Variants in PLCE1 observed in about 807,000 individuals in gnomAD.
PLCE1 encodes the protein phospholipase C epsilon 1.
PLCE1 carries 119 observed loss-of-function variants against 242.8 expected under a neutral mutation model. The ratio of observed to expected loss-of-function variants is 0.49; its 90% confidence interval spans 0.42 to 0.57. The LOEUF (loss-of-function observed/expected upper bound fraction) is 0.57, where lower values mean the gene tolerates loss of function less well. Ranked by LOEUF, PLCE1 falls within the 20% of genes least tolerant of loss-of-function variation. The pLI, the probability that PLCE1 is intolerant of heterozygous loss-of-function variation, is 0.00. For synonymous variants in PLCE1, 945 were observed against 1,017.4 expected (o/e 0.93, Z 1.35); for missense variants, 2,441 against 2,788.8 (o/e 0.88, Z 2.81).
chr10:94,066,378 T>G (rs2044196145), intron 2 of PLCE1, among the ~76,000 whole-genome samples: 1 of 152,226 alleles, frequency 6.6e-6, no homozygotes, highest in Admixed American at 6.5e-5. Context: ...TTGTGGCTGT[T>G]GGAATTGTAT....
At chr10:94,160,741 T>C (rs2047584590) in intron 3 of PLCE1, among the ~76,000 whole-genome samples, 1 of 152,244 alleles carries the variant, frequency 6.6e-6, no homozygotes. Context: ...TCTAGGGTTT[T>C]TATGGTTTTA....
chr10:94,215,677 G>T (rs1460757810), intron 4 of PLCE1, among the ~76,000 whole-genome samples: 1 of 152,176 alleles, frequency 6.6e-6, no homozygotes, highest in African/African-American at 2.4e-5. Flanking sequence ...GACATTTGGA[G>T]CCAGCAGCAG....
intron 1 of PLCE1, among the ~76,000 whole-genome samples, chr10:94,006,337 G>A (rs1421853068): frequency 6.6e-6 from 1 of 152,220 alleles, no homozygotes; most frequent in Non-Finnish European, 1.5e-5. Flanking sequence ...AAGACGTTCA[G>A]TGCAGATTAA....
chr10:94,052,190 A>G (rs1359090636), intron 2 of PLCE1, among the ~76,000 whole-genome samples: 1 of 152,230 alleles, frequency 6.6e-6, no homozygotes, highest in East Asian at 1.9e-4. Flanking sequence ...CCAAAAAGCA[A>G]TGTTTTCAAA....
chr10:94,308,334 C>A (rs535652457), intron 26 of PLCE1, among the ~76,000 whole-genome samples: 1 of 152,184 alleles, frequency 6.6e-6, no homozygotes, highest in Non-Finnish European at 1.5e-5. Flanking sequence ...CCTACTAGAT[C>A]AGGTTTTGTC....
intron 1 of PLCE1, among the ~76,000 whole-genome samples, chr10:94,010,617 T>G (rs1349343412): frequency 3.3e-5 from 5 of 152,216 alleles, no homozygotes; most frequent in African/African-American, 1.2e-4. Context: ...TCACACTTGA[T>G]TGTAGGCTGT....
At chr10:94,225,543 G>T (rs567164818) in intron 4 of PLCE1, among the ~76,000 whole-genome samples, 2 of 152,124 alleles carry the variant, frequency 1.3e-5, no homozygotes, top group Non-Finnish European at 2.9e-5. Flanking sequence ...GAGGTGGCAG[G>T]CCTTGTAATC....
rs147556567 is a variant in PLCE1 at position 94,140,885 on chromosome 10, T to C, written c.1492+8426T>C. 3.3e-4 allele frequency among the ~76,000 whole-genome samples: 50 copies of C among 152,372 alleles called. No homozygotes were observed. The East Asian group carries it at 5.2e-3, about 16-fold the overall frequency. ...TTTAAAAGTATGCTTTAATGTAATATTGGGTGTGTTTCTCTACCAGTTAAT... is the reference window on the plus strand; with the variant it reads ...TTTAAAAGTATGCTTTAATGTAATACTGGGTGTGTTTCTCTACCAGTTAAT... On this transcript the variant is annotated intron_variant, in intron 3 of 32. Transcript: ENST00000371380.
intron 2 of PLCE1, among the ~76,000 whole-genome samples, chr10:94,063,089 G>T (rs1231431186): frequency 2.6e-5 from 4 of 152,094 alleles, no homozygotes; most frequent in East Asian, 1.9e-4. Flanking sequence ...TCTCCCACAT[G>T]CTCCCTTCCT....
intron 8 of PLCE1, among the ~76,000 whole-genome samples, chr10:94,249,390 C>T (rs1255537439): frequency 2.0e-5 from 3 of 151,344 alleles, no homozygotes; most frequent in Non-Finnish European, 4.4e-5. Flanking sequence ...TATAATACCT[C>T]TTAGAAAATT....
At chr10:94,050,612 A>G (rs1028807617) in intron 2 of PLCE1, among the ~76,000 whole-genome samples, 1 of 152,118 alleles carries the variant, frequency 6.6e-6, no homozygotes, top group African/African-American at 2.4e-5. Context: ...CTAATCTACC[A>G]AGTTCTTCTC....
intron 2 of PLCE1, chr10:94,094,774 A>G (rs2045237693): frequency 6.6e-6 from 1 of 152,136 alleles, no homozygotes; most frequent in Non-Finnish European, 1.5e-5. Flanking sequence ...GTGCTCATGC[A>G]CGTAGCTGCC....
At chr10:94,226,842 T>C (rs1447048417) in intron 4 of PLCE1, among the ~76,000 whole-genome samples, 4 of 140,566 alleles carry the variant, frequency 2.8e-5, no homozygotes, top group African/African-American at 7.9e-5. Flanking sequence ...TTTTTTTTTT[T>C]TTTTTTTTTT....
intron 1 of PLCE1, among the ~76,000 whole-genome samples, chr10:94,027,962 C>T (rs1019773291): frequency 3.3e-5 from 5 of 152,158 alleles, no homozygotes; most frequent in African/African-American, 1.2e-4. Context: ...GATAAAACAG[C>T]ATAGTCTATG....
chr10:94,082,642 T>C (rs890442851), intron 2 of PLCE1, among the ~76,000 whole-genome samples: 1 of 152,222 alleles, frequency 6.6e-6, no homozygotes, highest in African/African-American at 2.4e-5. Context: ...GTGCTCATAA[T>C]GTATTTTTGA....
chr10:94,122,524 A>G (rs1200901742), intron 2 of PLCE1, among the ~76,000 whole-genome samples: 1 of 152,208 alleles, frequency 6.6e-6, no homozygotes, highest in Non-Finnish European at 1.5e-5. Flanking sequence ...TGTTCCATTT[A>G]CAGCCATGGG....
At chr10:94,202,345 A>G (rs1564784832) in intron 4 of PLCE1, among the ~76,000 whole-genome samples, 2 of 151,744 alleles carry the variant, frequency 1.3e-5, no homozygotes, top group Non-Finnish European at 2.9e-5. Flanking sequence ...TTTAAAGGAT[A>G]TGTAGCAGTT....
chr10:94,155,080 C>T (rs2047388436), intron 3 of PLCE1, among the ~76,000 whole-genome samples: 1 of 151,840 alleles, frequency 6.6e-6, no homozygotes, highest in African/African-American at 2.4e-5. Flanking sequence ...TTGGAATGTC[C>T]TCCAGATGCT....
chr10:94,261,547 G>A (rs1438793337), intron 13 of PLCE1, among the ~76,000 whole-genome samples: 8 of 152,138 alleles, frequency 5.3e-5, no homozygotes, highest in Non-Finnish European at 1.2e-4. Flanking sequence ...CATATGGTAA[G>A]CCTATGTTTA....
Sources: allele counts gnomAD v4.1 joint callset (sites outside exome capture counted in the v4.1 genomes callset), GRCh38; gene constraint gnomAD v4.1.1; transcripts MANE v1.5; gene names NCBI Gene and HGNC (gene_info 2026-07-23, HGNC 2026-07-21).